FCGR2B: variants seen among roughly 807,000 people sequenced by gnomAD.
FCGR2B encodes Fc gamma receptor IIb.
A neutral mutation model predicts 24.8 loss-of-function variants in FCGR2B; 18 were observed. The ratio of observed to expected loss-of-function variants is 0.73; its 90% CI spans 0.50 to 1.08. FCGR2B has a LOEUF of 1.08. Ranked by LOEUF, FCGR2B falls within the 50% of genes least tolerant of loss-of-function variation. The pLI is 0.00. For missense variants in FCGR2B, 215 were observed against 297.6 expected (o/e 0.72, Z 2.04); for synonymous variants, 79 against 109.8 (o/e 0.72, Z 1.75).
chr1:161,652,045 AGTGTGTGTGTGT>A, the FCGR2B span, among the ~76,000 whole-genome samples: 88 of 104,642 alleles, frequency 8.4e-4, 2 homozygotes, highest in East Asian at 1.2e-3. Flanking sequence ...TATGTTTAGG[AGTGTGTGTGTGT>A]GTGTGTGTGT....
chr1:161,649,822 T>G, the FCGR2B span, among the ~76,000 whole-genome samples: 5 of 149,780 alleles, frequency 3.3e-5, no homozygotes, highest in African/African-American at 1.2e-4. Context: ...GGAAATTAAA[T>G]GACTTGCCTG....
chr1:161,677,226 T>C, intron 6 of FCGR2B, 102 bp from the exon 7 acceptor site: 1 of 1,136,478 alleles, frequency 8.8e-7, no homozygotes, highest in Middle Eastern at 2.3e-4. Flanking sequence ...CAGTGCTTGC[T>C]TTGGCTCTAG....
chr1:161,673,562 C>G (rs774888837), intron 4 of FCGR2B: 1 of 706,510 alleles, frequency 1.4e-6, no homozygotes. Context: ...TGCCTTTATT[C>G]TTCTCATGGC....
intron 6 of FCGR2B, chr1:161,676,023 C>T (rs1682096638): frequency 8.6e-6 from 2 of 232,022 alleles, no homozygotes; most frequent in South Asian, 1.8e-4. Flanking sequence ...CCAGGGTGAC[C>T]TCTCAGGTCT....
the FCGR2B span, among the ~76,000 whole-genome samples, chr1:161,656,363 T>C: frequency 0.22 from 26,120 of 116,882 alleles, 2,758 homozygotes; most frequent in Non-Finnish European, 0.27. Flanking sequence ...AGAGTCAACA[T>C]TGGGTTAGAG....
chr1:161,669,154 T>G (rs1404954783), intron 1 of FCGR2B, among the ~76,000 whole-genome samples: 1 of 141,504 alleles, frequency 7.1e-6, no homozygotes, highest in Non-Finnish European at 1.6e-5. Context: ...CCTTTTGCAG[T>G]CTCTTCTTCC....
At chr1:161,660,999 G>A (rs546098867), upstream of FCGR2B, among the ~76,000 whole-genome samples, 3 of 79,340 alleles carry the variant, frequency 3.8e-5, no homozygotes, top group Admixed American at 1.4e-4. Flanking sequence ...GCTTGAACCC[G>A]GGAGGCGGAG....
chr1:161,672,762 T>C, intron 3 of FCGR2B: 2 of 777,794 alleles, frequency 2.6e-6, no homozygotes, highest in South Asian at 1.9e-5. Context: ...ACTATCATGC[T>C]CATTTTCACG....
intron 6 of FCGR2B, chr1:161,677,007 C>A: frequency 2.3e-6 from 1 of 432,782 alleles, no homozygotes; most frequent in Non-Finnish European, 4.1e-6. Flanking sequence ...ACCCCCCTCC[C>A]CCACCTCTTC....
the FCGR2B span, among the ~76,000 whole-genome samples, chr1:161,654,913 G>T: frequency 1.4e-5 from 2 of 138,324 alleles, no homozygotes; most frequent in South Asian, 2.4e-4. Context: ...TTTTTGGGGG[G>T]TGTTTCTAAT....
chr1:161,672,958 T>G lies in FCGR2B; in HGVS notation c.392-17T>G, dbSNP rs763877154. 13 of 1,613,664 alleles carry G rather than the reference T, an allele frequency of 8.1e-6. No homozygotes were observed. Among genetic ancestry groups the G allele is most frequent in the South Asian group, 1.1e-5 (1 of 91,046 alleles). On this transcript the variant is annotated splice_polypyrimidine_tract_variant and intron_variant, in intron 3 of 7. Transcript: ENST00000358671. ...CCAAGACCTCCCGGGTCCTCTGCGG[T>G]TTTTTGTGTCTTTCAGAGTGGCTGG...
At chr1:161,671,804 G>T in intron 3 of FCGR2B, 155 bp downstream of exon 3, 2 of 1,424,296 alleles carry the variant, frequency 1.4e-6, no homozygotes, top group Non-Finnish European at 1.9e-6. Flanking sequence ...TTTTGCCTCA[G>T]TTCTGATTGA....
At chr1:161,652,045 A>AGTGTGTGT in the FCGR2B span, among the ~76,000 whole-genome samples, 5,318 of 104,498 alleles carry the variant, frequency 0.051, 117 homozygotes, top group Non-Finnish European at 0.07. Flanking sequence ...TATGTTTAGG[A>AGTGTGTGT]GTGTGTGTGT....
chr1:161,661,408 T>C (rs36234162), upstream of FCGR2B, among the ~76,000 whole-genome samples: 3,208 of 110,868 alleles, frequency 0.029, 100 homozygotes, highest in Middle Eastern at 0.046. Flanking sequence ...CTGCTACTTT[T>C]CCCTTACAAC....
chr1:161,675,079 C>T, intron 5 of FCGR2B, 178 bp from the exon 6 acceptor site: 1 of 553,846 alleles, frequency 1.8e-6, no homozygotes, highest in East Asian at 3.4e-5. Flanking sequence ...TGCCTCTGGA[C>T]CAGCCCTTTT....
At position 161,673,154 on chromosome 1, in the gene FCGR2B, A is replaced by C; in HGVS notation, c.571A>C (p.Ser191Arg). ...CATCCCACAAGCAAACCACAGTCAC[A>C]GTGGTGATTACCACTGCACAGGAAA... Reference protein sequence around the residue: ...FSIPQANHSHSGDYHCTGNIG... With the variant: ...FSIPQANHSHRGDYHCTGNIG... Residue 191 changes from serine to arginine, a missense_variant, in exon 4 of 8, where the codon AGT becomes CGT. Around this residue, in one of 5 missense-constraint regions of FCGR2B, gnomAD observed 16 missense variants for 46.6 expected, o/e 0.34. Transcript: ENST00000358671. The C allele has an allele frequency of 6.2e-7, 1 of 1,612,268 alleles. No homozygotes were observed. The highest frequency in any genetic ancestry group is 8.5e-7 in the Non-Finnish European group (1 of 1,179,198).
chr1:161,678,455 G>A lies in FCGR2B; in HGVS notation c.*902G>A, dbSNP rs1312049015. On this transcript the variant is annotated 3_prime_UTR_variant, in exon 8 of 8. Transcript: ENST00000358671. ...ATAGGCTATACGCTACAGCCTAGGTGTGTAGTAGGCCACACCATTTAGGTT... is the reference window on the plus strand; with the variant it reads ...ATAGGCTATACGCTACAGCCTAGGTATGTAGTAGGCCACACCATTTAGGTT... 4.6e-6 allele frequency: 1 copy of A among 218,408 alleles called. No individual in the cohort carries two copies. The highest frequency in any genetic ancestry group is 9.2e-6 in the Non-Finnish European group (1 of 108,704). 13.5% of individuals were successfully genotyped at this position (218,408 alleles called of 1,614,324 possible).
chr1:161,651,881 T>G, the FCGR2B span, among the ~76,000 whole-genome samples: 1 of 126,568 alleles, frequency 7.9e-6, no homozygotes, highest in East Asian at 2.0e-4. Flanking sequence ...TGTGGTGAGC[T>G]GAGATTGTGC....
the FCGR2B span, among the ~76,000 whole-genome samples, chr1:161,652,788 G>C: frequency 5.2e-5 from 7 of 134,714 alleles, 2 homozygotes; most frequent in East Asian, 1.0e-3. Flanking sequence ...CTCTTAGTGT[G>C]GGCCAATCTA....
Sources: gnomAD v4.1 joint callset for allele counts (sites outside exome capture counted in the v4.1 genomes callset) on GRCh38, gnomAD v4.1.1 for gene constraint, gnomAD v4.1.1 regional missense constraint, MANE v1.5 for transcripts, NCBI Gene and HGNC (gene_info 2026-07-23, HGNC 2026-07-21) for gene names.